Variants in RPTOR observed in about 807,000 individuals in gnomAD.
The protein encoded by RPTOR is regulatory-associated protein of mTOR.
Under a neutral mutation model 169.9 loss-of-function variants are expected in RPTOR, and 21 were observed. The ratio of observed to expected loss-of-function variants is 0.12; its 90% CI spans 0.09 to 0.18. The LOEUF (loss-of-function observed/expected upper bound fraction) is 0.18. RPTOR is among the 10% of genes least tolerant of loss of function. The pLI is 1.00. For missense variants in RPTOR, 1,133 were observed against 1,855.9 expected (o/e 0.61, Z 7.16); for synonymous variants, 732 against 753.2 (o/e 0.97, Z 0.46).
At chr17:80,774,197 G>T (rs895281546) in intron 6 of RPTOR, 1 of 985,258 alleles carries the variant, frequency 1.0e-6, no homozygotes, top group Non-Finnish European at 1.2e-6. Flanking sequence ...AGCTGGTCCC[G>T]TCTCCACCCG....
chr17:80,796,897 C>A (rs1406600137), intron 7 of RPTOR, among the ~76,000 whole-genome samples: 1 of 152,160 alleles, frequency 6.6e-6, no homozygotes, highest in Non-Finnish European at 1.5e-5. Flanking sequence ...GGACAAATTC[C>A]AAACTTTAGA....
chr17:80,680,284 A>ATC (rs2065888508), intron 3 of RPTOR, among the ~76,000 whole-genome samples: 1 of 152,186 alleles, frequency 6.6e-6, no homozygotes, highest in Non-Finnish European at 1.5e-5. Flanking sequence ...TTCTAACTGG[A>ATC]ATCCTAGAAG....
rs527697534 is a variant in RPTOR at position 80,591,347 on chromosome 17, A to C, written c.163-34344A>C. 4.2e-4 allele frequency among the ~76,000 whole-genome samples: 54 copies of C among 129,834 alleles called. 2 individuals carry two copies. The South Asian group carries it at 5.0e-3, about 12-fold the overall frequency. The allele number at this position is 129,834 out of a possible 152,430, so 85.2% of individuals were successfully genotyped here. A position where few individuals can be genotyped will look rare whatever the true frequency, so the allele number is the denominator to read the frequency against. ...CTTTCTCTCCTTCTTTTTTTTGGAGACAGAGTTTTGTTCTTTCTTTCCTTC... is the reference window on the plus strand; with the variant it reads ...CTTTCTCTCCTTCTTTTTTTTGGAGCCAGAGTTTTGTTCTTTCTTTCCTTC... On this transcript the variant is annotated intron_variant, in intron 1 of 33. Transcript: ENST00000306801.
chr17:80,784,700 CTTTT>C (rs201356839), intron 6 of RPTOR, among the ~76,000 whole-genome samples: 174 of 137,390 alleles, frequency 1.3e-3, no homozygotes, highest in Non-Finnish European at 1.9e-3. Flanking sequence ...GCCTATTTTA[CTTTT>C]TTTTTTTTTT....
intron 27 of RPTOR, among the ~76,000 whole-genome samples, chr17:80,948,850 G>A (rs1011311894): frequency 2.0e-5 from 3 of 152,272 alleles, no homozygotes; most frequent in South Asian, 2.1e-4. Context: ...GCAGAGGGCC[G>A]TTTCCTCCAT....
intron 7 of RPTOR, among the ~76,000 whole-genome samples, chr17:80,818,163 G>A (rs188632309): frequency 1.5e-3 from 227 of 152,316 alleles, no homozygotes; most frequent in Middle Eastern, 6.8e-3. Context: ...AGGGTCAGCT[G>A]TGTTGACTCA....
intron 7 of RPTOR, among the ~76,000 whole-genome samples, chr17:80,799,301 C>T (rs1264945678): frequency 1.3e-5 from 2 of 152,208 alleles, no homozygotes; most frequent in African/African-American, 4.8e-5. Flanking sequence ...GAAACCCCAC[C>T]ACAACACAGC....
chr17:80,662,923 T>A (rs1251973797), intron 3 of RPTOR, among the ~76,000 whole-genome samples: 1 of 152,198 alleles, frequency 6.6e-6, no homozygotes, highest in Non-Finnish European at 1.5e-5. Flanking sequence ...CATGGTTAGC[T>A]GTGCCTGCAT....
Position 80,730,805 on chromosome 17 carries a change from T to C in RPTOR, c.654+99T>C. On this transcript the variant is annotated intron_variant, in intron 5 of 33. Transcript: ENST00000306801. This position sits in a 1 kb window ranked among gnomAD's most constrained non-coding sequence, Gnocchi z 4.2. Reference sequence around the variant, plus strand: ...AGGTTGGGAGGTGTTGGACATCCTCTGAATGGAGCAGGGCTCAGAATGCCA... The same window carrying C: ...AGGTTGGGAGGTGTTGGACATCCTCCGAATGGAGCAGGGCTCAGAATGCCA... The C allele has an allele frequency of 1.7e-6, 2 of 1,198,200 alleles. No homozygotes were observed. The highest frequency in any genetic ancestry group is 2.4e-6 in the Non-Finnish European group (2 of 840,860). 74.2% of individuals were successfully genotyped at this position (1,198,200 alleles called of 1,614,324 possible).
At chr17:80,752,261 T>C (rs1374857819) in intron 5 of RPTOR, among the ~76,000 whole-genome samples, 1 of 152,182 alleles carries the variant, frequency 6.6e-6, no homozygotes, top group African/African-American at 2.4e-5. Context: ...GCCTTGATGA[T>C]AGTGCAGGAG....
In RPTOR at chr17:80,849,798, G is replaced by A. The variant is rs905868021; in HGVS notation, c.1314+3224G>A. Among the ~76,000 whole-genome samples the A allele has an allele frequency of 5.3e-5, 8 of 152,194 alleles. No homozygotes were observed. In the East Asian group the frequency reaches 7.7e-4, roughly 15 times the overall value. The stretch of plus-strand genomic sequence containing the variant: ...CTCCCAAAGTGCTGGGATTACAGGC[G>A]TGAACGACCGCACCCAGCCCTGAAC... On this transcript the variant is annotated intron_variant, in intron 11 of 33. Coordinates refer to ENST00000306801, the MANE Select transcript of RPTOR (RefSeq NM_020761.3).
At chr17:80,647,994 G>T (rs1484893482) in intron 3 of RPTOR, among the ~76,000 whole-genome samples, 1 of 152,114 alleles carries the variant, frequency 6.6e-6, no homozygotes, top group Non-Finnish European at 1.5e-5. Flanking sequence ...TTAATTTGTG[G>T]TTAAGGGATG....
intron 17 of RPTOR, among the ~76,000 whole-genome samples, chr17:80,890,640 A>G (rs1226058530): frequency 6.6e-6 from 1 of 152,236 alleles, no homozygotes; most frequent in East Asian, 1.9e-4. Context: ...CTGAAGGGAA[A>G]GTAGACGGTG....
chr17:80,903,328 G>A (rs896170725), intron 20 of RPTOR, among the ~76,000 whole-genome samples: 9 of 151,988 alleles, frequency 5.9e-5, no homozygotes, highest in South Asian at 4.1e-4. Flanking sequence ...ACTTCGTTCC[G>A]AATCTGGGAG....
intron 7 of RPTOR, among the ~76,000 whole-genome samples, chr17:80,806,170 C>G (rs1468570706): frequency 6.6e-6 from 1 of 152,150 alleles, no homozygotes; most frequent in Non-Finnish European, 1.5e-5. Context: ...TTTCTAGTTT[C>G]TATTGTCTCT....
In RPTOR at chr17:80,861,831, T is replaced by C. The variant is rs1427955707; in HGVS notation, c.1509+3931T>C. On this transcript the variant is annotated intron_variant, in intron 13 of 33. Transcript: ENST00000306801. This position sits in a 1 kb window ranked among gnomAD's most constrained non-coding sequence, Gnocchi z 4.5. ...GACCTGGAAATTGATGATGTCTTTA[T>C]TTTTAGTCTCAGGGGTGGCTCTTGG... is the stretch of plus-strand genomic sequence containing the variant. Among the ~76,000 whole-genome samples the C allele has an allele frequency of 6.6e-6, 1 of 152,222 alleles. No homozygotes were observed. Among genetic ancestry groups the C allele is most frequent in the East Asian group, 1.9e-4 (1 of 5,196 alleles).
At chr17:80,638,576 A>C (rs1047009589) in intron 2 of RPTOR, among the ~76,000 whole-genome samples, 1 of 151,954 alleles carries the variant, frequency 6.6e-6, no homozygotes, top group Non-Finnish European at 1.5e-5. Flanking sequence ...AATTAAAAAA[A>C]AATTATTGTA....
At chr17:80,748,492 G>A (rs1324752773) in intron 5 of RPTOR, among the ~76,000 whole-genome samples, 8 of 100,548 alleles carry the variant, frequency 8.0e-5, no homozygotes, top group South Asian at 3.9e-4. Flanking sequence ...TGGCGGGAGG[G>A]CCTGTTGGAT....
In RPTOR at chr17:80,545,602, A is replaced by C; in HGVS notation, c.-28A>C. 6.4e-7 allele frequency: 1 copy of C among 1,567,714 alleles called. No homozygotes were observed. Among genetic ancestry groups the C allele is most frequent in the Non-Finnish European group, 8.7e-7 (1 of 1,154,754 alleles). On this transcript the variant is annotated 5_prime_UTR_variant, in exon 1 of 34. Transcript: ENST00000306801. ...TGGAGGTTCTCGAGCGCTTGCTGCC[A>C]AGGACTCCCCCACCCCCTCCCCCAC...
Sources: gnomAD v4.1 joint callset for allele counts (sites outside exome capture counted in the v4.1 genomes callset) on GRCh38, gnomAD v4.1.1 for gene constraint, Gnocchi (gnomAD v3.1) non-coding constraint, MANE v1.5 for transcripts, NCBI Gene and HGNC (gene_info 2026-07-23, HGNC 2026-07-21) for gene names.